FSTL4: variants seen among roughly 807,000 people sequenced by gnomAD.
FSTL4 encodes follistatin like 4.
A neutral mutation model predicts 78.2 loss-of-function variants in FSTL4; 28 were observed. The ratio of observed to expected loss-of-function variants is 0.36; its 90% CI spans 0.27 to 0.49. The LOEUF is 0.49. FSTL4 is among the 20% of genes least tolerant of loss of function. The pLI is 0.98. For missense variants in FSTL4, 922 were observed against 1,084.9 expected, an observed-to-expected ratio of 0.85 and a Z score of 2.11; for synonymous variants, 422 against 440.5, an observed-to-expected ratio of 0.96 and a Z score of 0.53.
At chr5:133,309,202 C>T (rs1753721236) in intron 6 of FSTL4, among the ~76,000 whole-genome samples, 1 of 151,622 alleles carries the variant, frequency 6.6e-6, no homozygotes, top group South Asian at 2.1e-4. Flanking sequence ...TCTGCCATGG[C>T]AGGGACAGGT....
chr5:133,723,182 G>C, the FSTL4 span, among the ~76,000 whole-genome samples: 1 of 152,160 alleles, frequency 6.6e-6, no homozygotes, highest in East Asian at 1.9e-4. Flanking sequence ...GGCACAAGTG[G>C]ATACAGTTCT....
chr5:133,505,911 T>A (rs1489009748), intron 3 of FSTL4, among the ~76,000 whole-genome samples: 2 of 152,208 alleles, frequency 1.3e-5, no homozygotes, highest in Non-Finnish European at 2.9e-5. Context: ...TCAATCCCCA[T>A]CAAAAATACC....
intron 4 of FSTL4, among the ~76,000 whole-genome samples, chr5:133,332,764 T>G (rs1327076023): frequency 1.3e-5 from 2 of 152,244 alleles, no homozygotes; most frequent in African/African-American, 4.8e-5. Context: ...ATGTCATGGC[T>G]CCTAATAAAA....
At chr5:133,471,819 T>C (rs1307256722) in intron 3 of FSTL4, among the ~76,000 whole-genome samples, 1 of 152,192 alleles carries the variant, frequency 6.6e-6, no homozygotes, top group Non-Finnish European at 1.5e-5. Flanking sequence ...ATGATGCCTT[T>C]AAAAGTATGA....
chr5:133,470,653 G>A (rs942477006), intron 3 of FSTL4, among the ~76,000 whole-genome samples: 7 of 152,046 alleles, frequency 4.6e-5, no homozygotes, highest in Non-Finnish European at 8.8e-5. Context: ...GCTGAGGCAG[G>A]AGAATCGCTT....
the FSTL4 span, among the ~76,000 whole-genome samples, chr5:133,780,527 G>T: frequency 1.3e-5 from 2 of 152,126 alleles, no homozygotes; most frequent in African/African-American, 4.8e-5. Context: ...GGACTGGAAG[G>T]GTGGGGACCT....
intron 15 of FSTL4, among the ~76,000 whole-genome samples, chr5:133,200,495 C>T (rs1013267814): frequency 1.1e-4 from 16 of 152,262 alleles, no homozygotes; most frequent in African/African-American, 3.6e-4. Context: ...GGCTGCTTGC[C>T]TCTCTGAGCC....
chr5:133,522,803 C>T (rs756448858), intron 3 of FSTL4, among the ~76,000 whole-genome samples: 24 of 152,308 alleles, frequency 1.6e-4, no homozygotes, highest in Non-Finnish European at 2.6e-4. Context: ...TCAATGAGTC[C>T]GAGATTTGAA....
rs1241277225 is a variant in FSTL4 at position 133,492,021 on chromosome 5, T to G, written c.160+75165A>C. Among the ~76,000 whole-genome samples, 4 of 152,226 alleles carry G rather than the reference T, an allele frequency of 2.6e-5. No individual in the cohort carries two copies. In the East Asian group the frequency reaches 5.8e-4, roughly 22 times the overall value. ...TACTGAACTGCAATCTACTGAGCTGTCTGAATGTTATTTATCCAACTCTTT... is the reference window on the plus strand; with the variant it reads ...TACTGAACTGCAATCTACTGAGCTGGCTGAATGTTATTTATCCAACTCTTT... On this transcript the variant is annotated intron_variant, in intron 3 of 15. Coordinates refer to ENST00000265342, the MANE Select transcript of FSTL4 (RefSeq NM_015082.2).
In FSTL4 at chr5:133,440,235, G is replaced by C. The variant is rs964977368; in HGVS notation, c.161-39249C>G. ...GAGAGGGCCTCAGCGGGCAAGGTGG[G>C]CCGCTGACAAGGTGTCTTGACAGGA... On this transcript the variant is annotated intron_variant, in intron 3 of 15. Coordinates refer to ENST00000265342, the MANE Select transcript of FSTL4 (RefSeq NM_015082.2). The surrounding 1 kb of genome is among the most constrained non-coding windows in gnomAD (Gnocchi z 4.1). Among the ~76,000 whole-genome samples the C allele has an allele frequency of 1.3e-5, 2 of 152,174 alleles. No homozygotes were observed. The highest frequency in any genetic ancestry group is 2.9e-5 in the Non-Finnish European group (2 of 68,016).
At chr5:133,480,615 G>A (rs1248571114) in intron 3 of FSTL4, among the ~76,000 whole-genome samples, 1 of 151,886 alleles carries the variant, frequency 6.6e-6, no homozygotes, top group Non-Finnish European at 1.5e-5. Flanking sequence ...CTGGAGAGAG[G>A]GTGACAGAGC....
At chr5:133,665,133 C>T in the FSTL4 span, among the ~76,000 whole-genome samples, 1 of 152,276 alleles carries the variant, frequency 6.6e-6, no homozygotes, top group South Asian at 2.1e-4. Context: ...CCAAACCACA[C>T]CAACGACTAA....
At chr5:133,787,968 C>T in the FSTL4 span, among the ~76,000 whole-genome samples, 2 of 152,210 alleles carry the variant, frequency 1.3e-5, no homozygotes, top group African/African-American at 2.4e-5. Context: ...AGTTGGTGCT[C>T]GGTAAGTGGT....
chr5:133,515,655 T>C (rs1371019313), intron 3 of FSTL4, among the ~76,000 whole-genome samples: 2 of 151,420 alleles, frequency 1.3e-5, no homozygotes, highest in African/African-American at 2.4e-5. Flanking sequence ...AATTCTCAGA[T>C]TGGCTCAACA....
intron 4 of FSTL4, among the ~76,000 whole-genome samples, chr5:133,399,326 C>T (rs1480731976): frequency 6.6e-6 from 1 of 152,158 alleles, no homozygotes; most frequent in African/African-American, 2.4e-5. Flanking sequence ...CTCATTTTGG[C>T]CTCATTTCCA....
chr5:133,744,527 G>A, the FSTL4 span, among the ~76,000 whole-genome samples: 31 of 152,302 alleles, frequency 2.0e-4, no homozygotes, highest in Non-Finnish European at 3.5e-4. Flanking sequence ...GTGTGTGGGC[G>A]ATGACACCAT....
chr5:133,342,511 C>T (rs1754603937), intron 4 of FSTL4, among the ~76,000 whole-genome samples: 1 of 152,180 alleles, frequency 6.6e-6, no homozygotes, highest in Non-Finnish European at 1.5e-5. Flanking sequence ...AGCGCTTTTA[C>T]CCCAACACCT....
chr5:133,349,295 C>CTGTGTGTGTGTGTGTGTG (rs1554107119), intron 4 of FSTL4, among the ~76,000 whole-genome samples: 1 of 139,682 alleles, frequency 7.2e-6, no homozygotes, highest in South Asian at 2.5e-4. Flanking sequence ...GCCTCTCTCT[C>CTGTGTGTGTGTGTGTGTG]TGTGTGTGTG....
At chr5:133,398,880 TG>T (rs1259457843) in intron 4 of FSTL4, among the ~76,000 whole-genome samples, 1 of 152,112 alleles carries the variant, frequency 6.6e-6, no homozygotes, top group East Asian at 1.9e-4. Flanking sequence ...CTATACCAAG[TG>T]GGCGGCAACT....
Sources: allele counts gnomAD v4.1 joint callset (sites outside exome capture counted in the v4.1 genomes callset), GRCh38; gene constraint gnomAD v4.1.1; non-coding constraint Gnocchi (gnomAD v3.1); transcripts MANE v1.5; gene names NCBI Gene and HGNC (gene_info 2026-07-23, HGNC 2026-07-21).